MXI1: variants seen among roughly 807,000 people sequenced by gnomAD.
MXI1 encodes the protein max-interacting protein 1.
MXI1 carries 18 observed loss-of-function variants against 36.9 expected under a neutral mutation model. That is an observed-to-expected ratio of 0.49 (90% CI 0.34 to 0.72). The LOEUF (loss-of-function observed/expected upper bound fraction) is 0.72. MXI1 is among the 30% of genes least tolerant of loss of function. The pLI is 0.01. For synonymous variants in MXI1, 160 were observed against 146.7 expected, an observed-to-expected ratio of 1.09 and a Z score of -0.65; for missense variants, 304 against 379.1, an observed-to-expected ratio of 0.80 and a Z score of 1.64.
chr10:110,217,456 T>C (rs1854681701), intron 1 of MXI1, among the ~76,000 whole-genome samples: 2 of 152,162 alleles, frequency 1.3e-5, no homozygotes, highest in Non-Finnish European at 2.9e-5. Context: ...TGAGAGCTGG[T>C]GTGGACTTTG....
At position 110,285,565 on chromosome 10, in the gene MXI1, CA is replaced by C. The variant is rs1467330327; in HGVS notation, c.*582del. 2.6e-5 allele frequency: 4 copies of C among 151,560 alleles called. No individual in the cohort carries two copies. The highest frequency in any genetic ancestry group is 9.7e-5 in the African/African-American group (4 of 41,176). 9.4% of individuals were successfully genotyped at this position (151,560 alleles called of 1,614,324 possible). A position where few individuals can be genotyped will look rare whatever the true frequency, so the allele number is the denominator to read the frequency against. ...TGAAAAAAGCTCATTTCATGCTCTG[CA>C]AAAGGAGAGACTCCCATGAAGCCTT... On this transcript the variant is annotated 3_prime_UTR_variant, in exon 6 of 6. Coordinates refer to ENST00000332674, the MANE Select transcript of MXI1 (RefSeq NM_130439.3).
At chr10:110,278,701 G>GGTGTGTGT (rs368265649) in intron 3 of MXI1, among the ~76,000 whole-genome samples, 2 of 115,990 alleles carry the variant, frequency 1.7e-5, no homozygotes, top group Non-Finnish European at 3.2e-5. Context: ...AGAGAGGTAG[G>GGTGTGTGT]GTGTGTGTGT....
chr10:110,216,636 C>T (rs1317078649), intron 1 of MXI1, among the ~76,000 whole-genome samples: 1 of 144,494 alleles, frequency 6.9e-6, no homozygotes, highest in Admixed American at 6.9e-5. Flanking sequence ...TAGTTCTTTC[C>T]CTCCCTGTCT....
At position 110,279,896 on chromosome 10, in the gene MXI1, A is replaced by G. The variant is rs1449212537; in HGVS notation, c.553-18A>G. On this transcript the variant is annotated intron_variant, in intron 4 of 5. Coordinates refer to ENST00000332674, the MANE Select transcript of MXI1 (RefSeq NM_130439.3). ...TACTGGACTATACACAAATGTAAAAATCATTTCATCATTTCAGAAACTTGA... is the reference window on the plus strand; with the variant it reads ...TACTGGACTATACACAAATGTAAAAGTCATTTCATCATTTCAGAAACTTGA... 2.5e-6 allele frequency: 4 copies of G among 1,591,246 alleles called. No homozygotes were observed. The African/African-American group carries it at 5.4e-5, about 22-fold the overall frequency.
chr10:110,210,692 C>T (rs1187273024), intron 1 of MXI1, among the ~76,000 whole-genome samples: 2 of 152,242 alleles, frequency 1.3e-5, no homozygotes, highest in Non-Finnish European at 1.5e-5. Context: ...CGGAAAACGG[C>T]GGGCCCTACA....
At chr10:110,271,750 C>G (rs182185518) in intron 3 of MXI1, among the ~76,000 whole-genome samples, 1 of 152,266 alleles carries the variant, frequency 6.6e-6, no homozygotes, top group East Asian at 1.9e-4. Context: ...CTTGAAAAAT[C>G]GTTATAGCAT....
intron 1 of MXI1, among the ~76,000 whole-genome samples, chr10:110,213,234 T>G (rs1228138214): frequency 6.6e-6 from 1 of 152,162 alleles, no homozygotes; most frequent in African/African-American, 2.4e-5. Context: ...AGAAGGAGAC[T>G]AGAGTGACTT....
chr10:110,281,885 T>TTTTAATACATTTATATAAA (rs1857263373), intron 5 of MXI1, among the ~76,000 whole-genome samples: 1 of 152,200 alleles, frequency 6.6e-6, no homozygotes, highest in Non-Finnish European at 1.5e-5. Context: ...GGTAAGGTCA[T>TTTTAATACATTTATATAAA]TTTAATACAT....
At chr10:110,255,461 G>A (rs1457146029) in intron 3 of MXI1, among the ~76,000 whole-genome samples, 1 of 152,128 alleles carries the variant, frequency 6.6e-6, no homozygotes, top group African/African-American at 2.4e-5. Flanking sequence ...CAACTTTCAA[G>A]TCTTATTATT....
intron 4 of MXI1, 21 bp downstream of exon 4, chr10:110,279,315 A>G (rs2134470457): frequency 6.3e-7 from 1 of 1,585,026 alleles, no homozygotes; most frequent in East Asian, 2.2e-5. Flanking sequence ...TTACTTTCAG[A>G]TTTGCACAAT....
intron 1 of MXI1, among the ~76,000 whole-genome samples, chr10:110,208,883 G>C (rs1278715172): frequency 1.3e-5 from 2 of 152,186 alleles, no homozygotes. Context: ...ACAATAGTTG[G>C]GGAAGAAGGT....
intron 3 of MXI1, among the ~76,000 whole-genome samples, chr10:110,273,274 C>G (rs1856919674): frequency 6.6e-6 from 1 of 151,994 alleles, no homozygotes; most frequent in Admixed American, 6.6e-5. Flanking sequence ...GTCTCGATCT[C>G]CTGACCTCAT....
intron 1 of MXI1, among the ~76,000 whole-genome samples, chr10:110,212,507 C>G (rs1218996415): frequency 6.6e-6 from 1 of 152,214 alleles, no homozygotes; most frequent in Admixed American, 6.5e-5. Flanking sequence ...AGACTTAGAT[C>G]AGTTTCCACC....
At chr10:110,236,939 A>G (rs1855497952) in intron 2 of MXI1, among the ~76,000 whole-genome samples, 1 of 152,170 alleles carries the variant, frequency 6.6e-6, no homozygotes, top group Admixed American at 6.5e-5. Flanking sequence ...TATTACTTAG[A>G]TATTTTCAAA....
intron 1 of MXI1, among the ~76,000 whole-genome samples, chr10:110,221,910 C>T (rs1321410676): frequency 1.3e-5 from 2 of 152,130 alleles, no homozygotes; most frequent in East Asian, 1.9e-4. Context: ...GCAGCCCTGG[C>T]GACAGGAGCC....
At chr10:110,272,946 AAC>A (rs1856900634) in intron 3 of MXI1, among the ~76,000 whole-genome samples, 1 of 151,920 alleles carries the variant, frequency 6.6e-6, no homozygotes, top group Non-Finnish European at 1.5e-5. Context: ...CCTGGGAGTT[AAC>A]AGTCTGTTTA....
intron 1 of MXI1, among the ~76,000 whole-genome samples, chr10:110,210,974 C>A (rs1854498020): frequency 1.3e-5 from 2 of 152,022 alleles, no homozygotes; most frequent in African/African-American, 4.8e-5. Context: ...CGATAGGATT[C>A]CAGCATCTAC....
intron 2 of MXI1, among the ~76,000 whole-genome samples, chr10:110,236,127 T>A (rs1334195537): frequency 2.6e-5 from 1 of 38,718 alleles, no homozygotes; most frequent in Non-Finnish European, 4.0e-5. Context: ...TGAAGTTCTT[T>A]TTTTTTTTTT....
chr10:110,281,136 G>A, intron 5 of MXI1, among the ~76,000 whole-genome samples: 1 of 152,106 alleles, frequency 6.6e-6, no homozygotes, highest in Non-Finnish European at 1.5e-5. Context: ...ACTTAGAATA[G>A]AATAATGAAC....
Sources: gnomAD v4.1 joint callset for allele counts (sites outside exome capture counted in the v4.1 genomes callset) on GRCh38, gnomAD v4.1.1 for gene constraint, MANE v1.5 for transcripts, NCBI Gene and HGNC (gene_info 2026-07-23, HGNC 2026-07-21) for gene names.